Variants in ZNF536 observed in about 807,000 individuals in gnomAD.
ZNF536 encodes zinc finger protein 536.
Under a neutral mutation model 84.5 loss-of-function variants are expected in ZNF536, and 13 were observed. The ratio of observed to expected loss-of-function variants is 0.15; its 90% CI spans 0.10 to 0.24. ZNF536 has a LOEUF of 0.24. Ranked by LOEUF, ZNF536 falls within the 10% of genes least tolerant of loss-of-function variation. ZNF536 has a pLI of 1.00. For synonymous variants in ZNF536, 811 were observed against 742.5 expected (o/e 1.09, Z -1.50); for missense variants, 1,536 against 1,747.5 (o/e 0.88, Z 2.16).
chr19:30,251,402 T>C (rs2024603148), intron 1 of ZNF536, among the ~76,000 whole-genome samples: 1 of 152,154 alleles, frequency 6.6e-6, no homozygotes, highest in Non-Finnish European at 1.5e-5. Context: ...GGCTTTTGCA[T>C]TGGTCAGAGC....
At chr19:30,436,825 G>T (rs964692321) in intron 1 of ZNF536, among the ~76,000 whole-genome samples, 1 of 152,192 alleles carries the variant, frequency 6.6e-6, no homozygotes, top group African/African-American at 2.4e-5. Context: ...TACTAGAAGT[G>T]CATGTTATGA....
At chr19:30,658,544 C>CACACAA (rs1390006016) in intron 1 of ZNF536, among the ~76,000 whole-genome samples, 6 of 146,114 alleles carry the variant, frequency 4.1e-5, no homozygotes, top group Admixed American at 1.3e-4. Flanking sequence ...CTCTGTCACA[C>CACACAA]ACACACACAC....
At chr19:30,625,432 A>G (rs747122010) in intron 1 of ZNF536, among the ~76,000 whole-genome samples, 18 of 152,240 alleles carry the variant, frequency 1.2e-4, no homozygotes, top group Non-Finnish European at 1.9e-4. Flanking sequence ...AATTATTAAT[A>G]TAAACTAACA....
chr19:30,644,462 C>A (rs954494530), intron 1 of ZNF536, among the ~76,000 whole-genome samples: 17 of 152,084 alleles, frequency 1.1e-4, no homozygotes, highest in African/African-American at 3.9e-4. Flanking sequence ...GTGTGCTGCA[C>A]CCAGTAACTC....
At chr19:30,559,568 A>G (rs1353376585), downstream of ZNF536, among the ~76,000 whole-genome samples, 3 of 152,160 alleles carry the variant, frequency 2.0e-5, no homozygotes, top group Non-Finnish European at 4.4e-5. Context: ...CCGGTCATGT[A>G]CACCCCGCTG....
At chr19:30,317,027 G>T (rs1006493273) in intron 2 of ZNF536, among the ~76,000 whole-genome samples, 1 of 152,216 alleles carries the variant, frequency 6.6e-6, no homozygotes, top group African/African-American at 2.4e-5. Flanking sequence ...GCCTCCCTTT[G>T]CTCCTGATAG....
chr19:30,613,540 T>C (rs2048175700), intron 1 of ZNF536, among the ~76,000 whole-genome samples: 1 of 152,230 alleles, frequency 6.6e-6, no homozygotes, highest in Non-Finnish European at 1.5e-5. Context: ...TGTCAATATT[T>C]TGTTGCTCAA....
rs191894897 is a variant in ZNF536, at chr19:30,364,086, A to G, written c.-3+11602A>G. Among the ~76,000 whole-genome samples, 358 of 152,332 alleles carry G rather than the reference A, an allele frequency of 2.4e-3. 12 individuals are homozygous for G. Among genetic ancestry groups the G allele is most frequent in the Non-Finnish European group, 2.0e-3 (138 of 68,020 alleles). On this transcript the variant is annotated intron_variant, in intron 3 of 5. Coordinates refer to the ZNF536 transcript ENST00000585628. ...ATAGGATATAGCATAAGAGCAGGCA[A>G]GCGTGGAGGTGTAGGCTGGAGCCCC...
At position 30,444,340 on chromosome 19, in the gene ZNF536, C is replaced by T. The variant is rs1246755420; in HGVS notation, c.778C>T (p.Pro260Ser). ...GGCCCACCCGGTGCCCTCGCCCAAG[C>T]CTGCCAGCGTGCAGGAGGACGCGGT... is the stretch of plus-strand genomic sequence containing the variant. ...DVAHPVPSPK[P>S]ASVQEDAVAP... The change falls in exon 2 of 5, where the codon CCT becomes TCT. Residue 260 changes from proline (P) to serine (S), a missense_variant. Coordinates refer to ENST00000355537, the MANE Select transcript of ZNF536 (RefSeq NM_014717.3). 1 of 1,596,136 alleles carries T rather than the reference C, an allele frequency of 6.3e-7. No homozygotes were observed.
chr19:30,241,610 A>G (rs1367647339), intron 1 of ZNF536, among the ~76,000 whole-genome samples: 1 of 152,136 alleles, frequency 6.6e-6, no homozygotes, highest in East Asian at 1.9e-4. Context: ...GGCTGGAGTA[A>G]AAAAGGGATG....
intron 1 of ZNF536, among the ~76,000 whole-genome samples, chr19:30,655,225 T>A (rs966476003): frequency 6.6e-6 from 1 of 152,218 alleles, no homozygotes; most frequent in Admixed American, 6.5e-5. Context: ...TTAATGGGTC[T>A]TGTAGAGTAT....
chr19:30,491,353 C>T (rs914145267), intron 2 of ZNF536, among the ~76,000 whole-genome samples: 2 of 152,110 alleles, frequency 1.3e-5, no homozygotes, highest in African/African-American at 4.8e-5. Context: ...ATTGTTCTTC[C>T]AAGTTTGTCT....
intron 2 of ZNF536, among the ~76,000 whole-genome samples, chr19:30,349,143 G>A (rs1259532363): frequency 6.6e-6 from 1 of 152,236 alleles, no homozygotes; most frequent in Non-Finnish European, 1.5e-5. Flanking sequence ...TTGGTTTAGT[G>A]AGATGATATT....
chr19:30,444,260 C>T lies in ZNF536; in HGVS notation c.698C>T (p.Ala233Val). The change falls in exon 2 of 5, where the codon GCC becomes GTC. Residue 233 changes from alanine (A) to valine (V), a missense_variant. By Grantham distance (64) the Ala-to-Val change is moderately conservative. Coordinates refer to ENST00000355537, the MANE Select transcript of ZNF536 (RefSeq NM_014717.3). Reference protein sequence around the residue: ...DLKPPPHAQQAPLAACTLALQ... With the variant: ...DLKPPPHAQQVPLAACTLALQ... ...AAGCCCCCGCCGCACGCCCAGCAGGCCCCGCTGGCCGCCTGCACCCTGGCC... is the reference window on the plus strand; with the variant it reads ...AAGCCCCCGCCGCACGCCCAGCAGGTCCCGCTGGCCGCCTGCACCCTGGCC... The T allele has an allele frequency of 6.4e-7, 1 of 1,551,622 alleles. No individual in the cohort carries two copies. Among genetic ancestry groups the T allele is most frequent in the Non-Finnish European group, 8.7e-7 (1 of 1,155,700 alleles).
At chr19:30,524,954 G>T (rs1044715814) in intron 2 of ZNF536, among the ~76,000 whole-genome samples, 1 of 152,076 alleles carries the variant, frequency 6.6e-6, no homozygotes, top group Non-Finnish European at 1.5e-5. Context: ...TTGGATCATA[G>T]ATTACATTAA....
intron 1 of ZNF536, among the ~76,000 whole-genome samples, chr19:30,410,185 A>ATATTAGT (rs924677553): frequency 5.8e-4 from 89 of 152,242 alleles, no homozygotes; most frequent in African/African-American, 2.0e-3. Context: ...CCCCATTAAT[A>ATATTAGT]ATACTCCTAA....
intron 2 of ZNF536, among the ~76,000 whole-genome samples, chr19:30,348,986 A>G (rs1364306811): frequency 1.3e-5 from 2 of 152,144 alleles, no homozygotes; most frequent in African/African-American, 4.8e-5. Context: ...CTTGAGTGCA[A>G]GCCAGGCTAA....
At chr19:30,542,332 C>CT (rs2045363802) in intron 3 of ZNF536, among the ~76,000 whole-genome samples, 2 of 152,070 alleles carry the variant, frequency 1.3e-5, no homozygotes, top group Non-Finnish European at 2.9e-5. Context: ...AAAATAGGTA[C>CT]CGTGAACTAA....
chr19:30,345,930 G>A (rs1254773773), intron 2 of ZNF536, among the ~76,000 whole-genome samples: 1 of 152,238 alleles, frequency 6.6e-6, no homozygotes, highest in Non-Finnish European at 1.5e-5. Flanking sequence ...GGGCTGGAGA[G>A]TGTCTCATTC....
Sources: gnomAD v4.1 joint callset for allele counts (sites outside exome capture counted in the v4.1 genomes callset) on GRCh38, gnomAD v4.1.1 for gene constraint, MANE v1.5 for transcripts, NCBI Gene and HGNC (gene_info 2026-07-23, HGNC 2026-07-21) for gene names.